PCDHA2: variants seen among roughly 807,000 people sequenced by gnomAD.
PCDHA2 encodes protocadherin alpha 2, also known as protocadherin alpha-2.
Under a neutral mutation model 66.0 loss-of-function variants are expected in PCDHA2, and 58 were observed. The observed-to-expected ratio is 0.88, with a 90% CI of 0.71 to 1.09. The LOEUF (loss-of-function observed/expected upper bound fraction) is 1.09. PCDHA2 is among the 50% of genes least tolerant of loss of function. The pLI is 0.00. For missense variants in PCDHA2, 1,267 were observed against 1,242.3 expected (o/e 1.02, Z -0.30); for synonymous variants, 634 against 554.0 (o/e 1.14, Z -2.03).
intron 1 of PCDHA2, chr5:140,824,890 A>G (rs995906531): frequency 2.0e-5 from 3 of 151,970 alleles, no homozygotes; most frequent in African/African-American, 7.3e-5. Context: ...GTTTATTTCA[A>G]CTTTGCCTAA....
chr5:140,920,277 T>C (rs1275415444), intron 1 of PCDHA2, among the ~76,000 whole-genome samples: 1 of 152,230 alleles, frequency 6.6e-6, no homozygotes, highest in African/African-American at 2.4e-5. Context: ...TTATGTAATC[T>C]TATATTTTTT....
intron 1 of PCDHA2, chr5:140,809,166 C>G: frequency 6.2e-7 from 1 of 1,613,942 alleles, no homozygotes; most frequent in Non-Finnish European, 8.5e-7. Flanking sequence ...CCCGCGCTGA[C>G]GGCCACGGCC....
intron 1 of PCDHA2, among the ~76,000 whole-genome samples, chr5:140,873,824 C>A (rs1411429273): frequency 6.6e-6 from 1 of 152,118 alleles, no homozygotes; most frequent in Non-Finnish European, 1.5e-5. Flanking sequence ...CCACTCCTGG[C>A]TAATTTTTGT....
At position 140,967,566 on chromosome 5, in the gene PCDHA2, G is replaced by T. The variant is rs1586227015; in HGVS notation, c.2389-11383G>T. The stretch of plus-strand genomic sequence containing the variant: ...CAGTCCACTTATCGCGTCCAGCTAC[G>T]GGAGGACTCACCCCCAGGCACATTG... On this transcript the variant is annotated intron_variant, in intron 1 of 3. Coordinates refer to ENST00000526136, the MANE Select transcript of PCDHA2 (RefSeq NM_018905.3). 6 of 1,614,060 alleles carry T rather than the reference G, an allele frequency of 3.7e-6. No homozygotes were observed. In the East Asian group the frequency reaches 1.3e-4, roughly 36 times the overall value.
chr5:140,935,242 A>G (rs1054515711), intron 1 of PCDHA2, among the ~76,000 whole-genome samples: 16 of 152,218 alleles, frequency 1.1e-4, no homozygotes, highest in African/African-American at 3.6e-4. Context: ...ATTTTTTAAA[A>G]GATAAAATAC....
At chr5:140,940,599 C>T (rs1356432549) in intron 1 of PCDHA2, among the ~76,000 whole-genome samples, 2 of 151,918 alleles carry the variant, frequency 1.3e-5, no homozygotes, top group African/African-American at 4.8e-5. Context: ...AGGCATGAGC[C>T]GCTGCTCCTG....
Position 140,983,978 on chromosome 5 carries a change from G to A in PCDHA2, c.2536+1415G>A, listed in dbSNP as rs529150173. Among the ~76,000 whole-genome samples the A allele has an allele frequency of 5.3e-5, 8 of 152,266 alleles. No individual in the cohort carries two copies. The South Asian group carries it at 1.5e-3, about 28-fold the overall frequency. Reference sequence around the variant, plus strand: ...AGTCACATTTGTCCAAAAAATATACGAGTTGAAGCAATTCATTAGAGAGCT... The same window carrying A: ...AGTCACATTTGTCCAAAAAATATACAAGTTGAAGCAATTCATTAGAGAGCT... On this transcript the variant is annotated intron_variant, in intron 3 of 3. Transcript: ENST00000526136.
chr5:140,809,241 G>T lies in PCDHA2; in HGVS notation c.2388+11889G>T, dbSNP rs1241553010. 4 of 1,613,960 alleles carry T rather than the reference G, an allele frequency of 2.5e-6. No individual in the cohort carries two copies. In the African/African-American group the frequency reaches 5.3e-5, roughly 22 times the overall value. ...AAGGCCTCCTCACGGGCGTTGGTGG[G>T]CGCTGTGGGTCCCGATGCTGCGCTG... On this transcript the variant is annotated intron_variant, in intron 1 of 3. Coordinates refer to ENST00000526136, the MANE Select transcript of PCDHA2 (RefSeq NM_018905.3).
chr5:140,824,554 T>C (rs1311403031), intron 1 of PCDHA2: 1 of 179,802 alleles, frequency 5.6e-6, no homozygotes, highest in African/African-American at 2.4e-5. Flanking sequence ...TGGGCTCAAG[T>C]GATCCTCCTA....
rs782306537 is a variant in PCDHA2, at chr5:140,802,329, G to A, written c.2388+4977G>A. On this transcript the variant is annotated intron_variant, in intron 1 of 3. Transcript: ENST00000526136. ...CGCTCTGATCAGCGTGTCCGACCGC[G>A]ACTCAGGAGTCAATGGACAGGTCAC... 1.2e-5 allele frequency: 20 copies of A among 1,614,106 alleles called. No individual in the cohort carries two copies. The Admixed American group carries it at 3.2e-4, about 26-fold the overall frequency.
chr5:140,816,941 G>T (rs2126676458), intron 1 of PCDHA2: 1 of 152,186 alleles, frequency 6.6e-6, no homozygotes, highest in East Asian at 1.9e-4. Context: ...TCAGTGCCTG[G>T]AGTCAAGTGA....
At chr5:140,926,879 C>G in intron 1 of PCDHA2, 1 of 1,534,480 alleles carries the variant, frequency 6.5e-7, no homozygotes, top group Non-Finnish European at 8.8e-7. Flanking sequence ...GGAACGTGGA[C>G]GCCTAGAGGG....
At chr5:140,899,431 T>C (rs1271468350) in intron 1 of PCDHA2, among the ~76,000 whole-genome samples, 2 of 152,242 alleles carry the variant, frequency 1.3e-5, no homozygotes, top group Non-Finnish European at 2.9e-5. Context: ...AGGTCTTTTC[T>C]GCATCTATTG....
intron 1 of PCDHA2, chr5:140,869,029 A>AT (rs1364344296): frequency 2.6e-6 from 4 of 1,526,350 alleles, no homozygotes; most frequent in Non-Finnish European, 3.5e-6. Flanking sequence ...ATTCAACGAG[A>AT]TTTTTAACCT....
chr5:140,823,547 C>T (rs1218932812), intron 1 of PCDHA2: 3 of 1,613,724 alleles, frequency 1.9e-6, no homozygotes, highest in Non-Finnish European at 2.5e-6. Context: ...CACGTGGTGG[C>T]GAAGGTGCGC....
At chr5:140,843,473 T>A (rs2150360834) in intron 1 of PCDHA2, 2 of 1,595,974 alleles carry the variant, frequency 1.3e-6, no homozygotes, top group Non-Finnish European at 1.7e-6. Flanking sequence ...GCTGCTGCTG[T>A]ACACTGCGCT....
rs200693140 is a variant in PCDHA2, at chr5:140,850,298, G to A, written c.2388+52946G>A. 1.0e-5 allele frequency: 16 copies of A among 1,596,354 alleles called. 2 individuals are homozygous for A. The South Asian group carries it at 1.3e-4, about 13-fold the overall frequency. On this transcript the variant is annotated intron_variant, in intron 1 of 3. Coordinates refer to ENST00000526136, the MANE Select transcript of PCDHA2 (RefSeq NM_018905.3). Reference sequence around the variant, plus strand: ...AGGTGCGCGCAGTGGACGCCGACTCGGGCTACAACGCGTGGCTTTCATACG... The same window carrying A: ...AGGTGCGCGCAGTGGACGCCGACTCAGGCTACAACGCGTGGCTTTCATACG...
At chr5:140,927,619 C>T (rs2084429859) in intron 1 of PCDHA2, 3 of 1,614,170 alleles carry the variant, frequency 1.9e-6, no homozygotes, top group Non-Finnish European at 2.5e-6. Flanking sequence ...CACCAAGGTT[C>T]CAGAGACTGC....
intron 1 of PCDHA2, chr5:140,868,024 G>A (rs550037758): frequency 2.0e-5 from 3 of 152,200 alleles, no homozygotes; most frequent in South Asian, 4.1e-4. Context: ...GGAAACCAAT[G>A]TTGGTGACTT....
Sources: gnomAD v4.1 joint callset for allele counts (sites outside exome capture counted in the v4.1 genomes callset) on GRCh38, gnomAD v4.1.1 for gene constraint, MANE v1.5 for transcripts, NCBI Gene and HGNC (gene_info 2026-07-23, HGNC 2026-07-21) for gene names.